The following AGK variants were observed in gnomAD, a reference collection of about 807,000 sequenced individuals.
The protein encoded by AGK is acylglycerol kinase.
In AGK, 52 loss-of-function variants were observed where a neutral mutation model predicts 66.4. The ratio of observed to expected loss-of-function variants is 0.78; its 90% CI spans 0.63 to 0.99. The LOEUF is 0.99. Ranked by LOEUF, AGK falls within the 50% of genes least tolerant of loss-of-function variation. The pLI, the probability that AGK is intolerant of heterozygous loss-of-function variation, is 0.00. For synonymous variants in AGK, 182 were observed against 181.1 expected (o/e 1.00, Z -0.04); for missense variants, 451 against 506.6 (o/e 0.89, Z 1.05).
At chr7:141,583,830 T>G (rs543766759) in intron 2 of AGK, among the ~76,000 whole-genome samples, 15 of 151,860 alleles carry the variant, frequency 9.9e-5, no homozygotes, top group African/African-American at 3.4e-4. Context: ...GCACCAAGAT[T>G]GAAAGGAGAA....
intron 3 of AGK, chr7:141,593,695 A>G (rs1160271310): frequency 3.7e-6 from 1 of 270,850 alleles, no homozygotes; most frequent in Middle Eastern, 1.1e-3. Flanking sequence ...GGCTAATTAT[A>G]GCTGGATTAT....
intron 2 of AGK, among the ~76,000 whole-genome samples, chr7:141,578,156 G>A (rs190522340): frequency 5.9e-5 from 9 of 151,968 alleles, no homozygotes; most frequent in East Asian, 1.9e-4. Flanking sequence ...GGGTGCAGGC[G>A]GGCTGAGTCC....
At chr7:141,618,034 A>T (rs1796744995) in intron 8 of AGK, among the ~76,000 whole-genome samples, 1 of 152,254 alleles carries the variant, frequency 6.6e-6, no homozygotes, top group Non-Finnish European at 1.5e-5. Flanking sequence ...AGAAAGTATA[A>T]TAGTTTCAGC....
At chr7:141,559,399 A>C (rs1051955597) in intron 2 of AGK, among the ~76,000 whole-genome samples, 1 of 152,138 alleles carries the variant, frequency 6.6e-6, no homozygotes, top group Non-Finnish European at 1.5e-5. Flanking sequence ...TGGTCTTGGC[A>C]TCCCTATTGA....
chr7:141,605,566 T>C (rs1650010671), intron 5 of AGK, among the ~76,000 whole-genome samples: 1 of 152,196 alleles, frequency 6.6e-6, no homozygotes, highest in South Asian at 2.1e-4. Flanking sequence ...ATCAAAGATG[T>C]TTTCATTATT....
chr7:141,616,826 T>C (rs1433489797), intron 8 of AGK, among the ~76,000 whole-genome samples: 2 of 150,598 alleles, frequency 1.3e-5, no homozygotes, highest in African/African-American at 4.9e-5. Flanking sequence ...TGGCGCGAAC[T>C]CGGCTCACTG....
intron 9 of AGK, among the ~76,000 whole-genome samples, chr7:141,628,788 T>G (rs996956706): frequency 9.9e-5 from 15 of 152,220 alleles, no homozygotes; most frequent in Non-Finnish European, 2.2e-4. Flanking sequence ...TTTTTCCACT[T>G]AAGTGCTTTG....
intron 14 of AGK, 145 bp from the exon 15 acceptor site, chr7:141,651,380 A>C (rs1797553110): frequency 1.5e-6 from 1 of 683,316 alleles, no homozygotes; most frequent in Admixed American, 2.3e-5. Context: ...ACTGTTGGAA[A>C]AATTATTTAC....
rs763744712 is a variant in AGK, at chr7:141,596,558, T to C, written c.142-4T>C. On this transcript the variant is annotated splice_region_variant and splice_polypyrimidine_tract_variant and intron_variant, in intron 3 of 15. Transcript: ENST00000649286. ...ACTGAAAACTTTGCTCTTTTCTTTT[T>C]TAGGTGTTTGGCAATCAACTCATTC... The C allele has an allele frequency of 1.7e-5, 28 of 1,613,712 alleles. No individual in the cohort carries two copies. Among genetic ancestry groups the C allele is most frequent in the Non-Finnish European group, 2.2e-5 (26 of 1,179,758 alleles).
intron 5 of AGK, among the ~76,000 whole-genome samples, chr7:141,610,755 A>G (rs1256280549): frequency 6.6e-6 from 1 of 152,196 alleles, no homozygotes; most frequent in Non-Finnish European, 1.5e-5. Flanking sequence ...ATTTAAGGTC[A>G]CTCAGCTAAA....
At position 141,560,268 on chromosome 7, in the gene AGK, C is replaced by CT. The variant is rs528581951; in HGVS notation, c.101+4702dup. Among the ~76,000 whole-genome samples, 489 of 151,580 alleles carry CT rather than the reference C, an allele frequency of 3.2e-3. 3 individuals carry two copies. The highest frequency in any genetic ancestry group is 0.011 in the African/African-American group (470 of 41,346). On this transcript the variant is annotated intron_variant, in intron 2 of 15. Coordinates refer to ENST00000649286, the MANE Select transcript of AGK (RefSeq NM_018238.4). ...GATACTTTTCCTTTTGTTGCCCTCC[C>CT]TCCGTTTTTTTTTTTGCCTATATAT...
At chr7:141,560,597 C>G (rs1289006644) in intron 2 of AGK, among the ~76,000 whole-genome samples, 1 of 151,962 alleles carries the variant, frequency 6.6e-6, no homozygotes, top group Non-Finnish European at 1.5e-5. Flanking sequence ...AGTGTGTAGT[C>G]TTTTATTCCT....
chr7:141,633,388 A>G (rs1370587488), intron 9 of AGK, among the ~76,000 whole-genome samples: 1 of 152,224 alleles, frequency 6.6e-6, no homozygotes, highest in East Asian at 1.9e-4. Context: ...TTGGCCATAA[A>G]GCATTGGACC....
intron 8 of AGK, chr7:141,615,778 G>T (rs1357644432): frequency 3.7e-6 from 2 of 546,958 alleles, no homozygotes; most frequent in Admixed American, 6.5e-5. Flanking sequence ...GTCAGGTAGG[G>T]AGGTGAATAC....
intron 11 of AGK, among the ~76,000 whole-genome samples, chr7:141,637,227 C>A (rs971194996): frequency 2.6e-5 from 4 of 152,164 alleles, no homozygotes; most frequent in African/African-American, 9.7e-5. Context: ...ATTCCCTCTA[C>A]TACCAAACCC....
intron 13 of AGK, chr7:141,649,029 T>TAAA: frequency 3.3e-6 from 1 of 302,746 alleles, no homozygotes; most frequent in East Asian, 5.0e-5. Context: ...GCTTATGTAG[T>TAAA]AAAAAAAAAA....
In AGK at chr7:141,621,904, A is replaced by C; in HGVS notation, c.588+103A>C. 4.9e-6 allele frequency: 4 copies of C among 808,358 alleles called. No homozygotes were observed. The South Asian group carries it at 6.9e-5, about 14-fold the overall frequency. 50.1% of individuals were successfully genotyped at this position (808,358 alleles called of 1,614,324 possible). A position where few individuals can be genotyped will look rare whatever the true frequency, so the allele number is the denominator to read the frequency against. The stretch of plus-strand genomic sequence containing the variant: ...GTTCAAATGAGGTTATAATGAAAAC[A>C]ATAGTTGCTCTTCCATTCCTACCCC... On this transcript the variant is annotated intron_variant, in intron 9 of 15. Transcript: ENST00000649286.
chr7:141,602,173 T>TTTGTGTGTGTGTGTG (rs1554400561), intron 5 of AGK, among the ~76,000 whole-genome samples: 1 of 125,314 alleles, frequency 8.0e-6, no homozygotes, highest in South Asian at 2.6e-4. Context: ...GGAGATTTTC[T>TTTGTGTGTGTGTGTG]TGTGTGTGTG....
intron 2 of AGK, among the ~76,000 whole-genome samples, chr7:141,579,641 AG>A (rs944970184): frequency 6.6e-6 from 1 of 151,944 alleles, no homozygotes. Flanking sequence ...ACAATCCCTG[AG>A]GAGTAGTAGA....
Sources: allele counts gnomAD v4.1 joint callset (sites outside exome capture counted in the v4.1 genomes callset), GRCh38; gene constraint gnomAD v4.1.1; transcripts MANE v1.5; gene names NCBI Gene and HGNC (gene_info 2026-07-23, HGNC 2026-07-21).